Variants in CDH18 observed in about 807,000 individuals in gnomAD.
CDH18 encodes cadherin 18.
Under a neutral mutation model 67.9 loss-of-function variants are expected in CDH18, and 31 were observed. The observed-to-expected ratio is 0.46, with a 90% confidence interval of 0.34 to 0.62. The LOEUF is 0.62. Ranked by LOEUF, CDH18 falls within the 20% of genes least tolerant of loss-of-function variation. The pLI is 0.01. For missense variants in CDH18, 890 were observed against 975.5 expected, an observed-to-expected ratio of 0.91 and a Z score of 1.17; for synonymous variants, 362 against 347.2, an observed-to-expected ratio of 1.04 and a Z score of -0.48.
intron 1 of CDH18, among the ~76,000 whole-genome samples, chr5:20,519,892 T>C (rs1411860330): frequency 6.6e-6 from 1 of 150,814 alleles, no homozygotes; most frequent in Admixed American, 6.6e-5. Context: ...TATTTTTATT[T>C]GGACAGGGTT....
chr5:19,846,567 G>T (rs1782978387), intron 2 of CDH18, among the ~76,000 whole-genome samples: 1 of 152,030 alleles, frequency 6.6e-6, no homozygotes, highest in South Asian at 2.1e-4. Flanking sequence ...AGCCCATTGT[G>T]GAGCTAAAAT....
In CDH18 at chr5:20,444,150, T is replaced by C. The variant is rs981772120; in HGVS notation, c.-580+131312A>G. The stretch of plus-strand genomic sequence containing the variant: ...AGAATTTCTAGTTGTATTATAGTCA[T>C]GTGAGGAGTTCCTATCCAATATTAC... On this transcript the variant is annotated intron_variant, in intron 1 of 14. Transcript: ENST00000507958. Among the ~76,000 whole-genome samples, 15 of 149,902 alleles carry C rather than the reference T, an allele frequency of 1.0e-4. 2 individuals are homozygous for C. The highest frequency in any genetic ancestry group is 3.8e-4 in the African/African-American group (15 of 39,224).
intron 2 of CDH18, among the ~76,000 whole-genome samples, chr5:20,208,905 T>C (rs908766615): frequency 6.6e-6 from 1 of 151,580 alleles, no homozygotes; most frequent in Non-Finnish European, 1.5e-5. Context: ...AAACACAAAA[T>C]CCCCACAAAG....
At chr5:20,172,914 C>T (rs1266412587) in intron 2 of CDH18, among the ~76,000 whole-genome samples, 9 of 151,194 alleles carry the variant, frequency 6.0e-5, no homozygotes, top group South Asian at 2.1e-4. Flanking sequence ...CGTTTGAACC[C>T]GAGAGGCGGA....
At chr5:19,710,141 C>G (rs1580998450) in intron 5 of CDH18, among the ~76,000 whole-genome samples, 1 of 151,924 alleles carries the variant, frequency 6.6e-6, no homozygotes, top group African/African-American at 2.4e-5. Context: ...TCTCAAAAAA[C>G]AAAAATAAAA....
At chr5:19,701,107 C>T (rs953059606) in intron 5 of CDH18, among the ~76,000 whole-genome samples, 1 of 151,756 alleles carries the variant, frequency 6.6e-6, no homozygotes, top group Non-Finnish European at 1.5e-5. Context: ...AAAAATATGG[C>T]TAAAATATCA....
chr5:19,767,540 G>A (rs915818842), intron 3 of CDH18, among the ~76,000 whole-genome samples: 1 of 151,984 alleles, frequency 6.6e-6, no homozygotes, highest in Non-Finnish European at 1.5e-5. Context: ...TAAATAAAGT[G>A]ATGCATAACT....
intron 5 of CDH18, among the ~76,000 whole-genome samples, chr5:19,708,644 G>A (rs554514301): frequency 8.3e-4 from 127 of 152,286 alleles, no homozygotes; most frequent in Non-Finnish European, 1.5e-3. Flanking sequence ...CGCTTAAGGC[G>A]TTCCTGAACC....
chr5:20,480,806 A>T (rs1206159122), intron 1 of CDH18, among the ~76,000 whole-genome samples: 1 of 152,134 alleles, frequency 6.6e-6, no homozygotes, highest in African/African-American at 2.4e-5. Context: ...ACAATATGTT[A>T]TTTGCAAACC....
intron 2 of CDH18, among the ~76,000 whole-genome samples, chr5:20,109,161 G>T (rs1418998267): frequency 6.6e-6 from 1 of 152,122 alleles, no homozygotes; most frequent in African/African-American, 2.4e-5. Context: ...GACAGACAAG[G>T]AAAAATCTAA....
At chr5:20,125,976 A>G (rs566558062) in intron 2 of CDH18, among the ~76,000 whole-genome samples, 1 of 152,320 alleles carries the variant, frequency 6.6e-6, no homozygotes, top group South Asian at 2.1e-4. Flanking sequence ...TAAAACGTAT[A>G]TGAAACCAGA....
At chr5:20,068,123 A>C (rs1743145242) in intron 2 of CDH18, among the ~76,000 whole-genome samples, 1 of 152,110 alleles carries the variant, frequency 6.6e-6, no homozygotes, top group Non-Finnish European at 1.5e-5. Context: ...ACATTTATTG[A>C]ATAAAATAAG....
In CDH18 at chr5:20,422,008, GTTAA is replaced by G. The variant is rs1747901813; in HGVS notation, c.-580+153450_-580+153453del. On this transcript the variant is annotated intron_variant, in intron 1 of 14. Coordinates refer to the CDH18 transcript ENST00000507958. ...TTATCTGGCTCTTTTTCGTGGACAA[GTTAA>G]TTAGGGAGGCATTTTTATAGTAATG... Among the ~76,000 whole-genome samples, 3 of 150,870 alleles carry G rather than the reference GTTAA, an allele frequency of 2.0e-5. No homozygotes were observed. In the South Asian group the frequency reaches 6.2e-4, roughly 31 times the overall value.
intron 11 of CDH18, among the ~76,000 whole-genome samples, chr5:19,492,775 T>C (rs967718479): frequency 2.0e-5 from 3 of 152,178 alleles, no homozygotes; most frequent in Non-Finnish European, 2.9e-5. Context: ...GGTTATTCTC[T>C]GAATCAATGT....
intron 7 of CDH18, among the ~76,000 whole-genome samples, chr5:19,583,253 T>C (rs188786270): frequency 2.6e-5 from 4 of 152,228 alleles, no homozygotes; most frequent in African/African-American, 7.2e-5. Flanking sequence ...GCTACAACTT[T>C]AAGAGGAAAA....
chr5:19,811,719 C>A (rs146410473), intron 3 of CDH18, among the ~76,000 whole-genome samples: 135 of 152,168 alleles, frequency 8.9e-4, no homozygotes, highest in East Asian at 2.5e-3. Flanking sequence ...GAAAGAAAGA[C>A]AATTTAAATG....
At chr5:20,422,772 G>A (rs1580966311) in intron 1 of CDH18, among the ~76,000 whole-genome samples, 2 of 151,114 alleles carry the variant, frequency 1.3e-5, no homozygotes, top group South Asian at 4.2e-4. Flanking sequence ...ATGGACAAAA[G>A]GTAACTTTAA....
intron 1 of CDH18, among the ~76,000 whole-genome samples, chr5:20,275,007 T>C (rs989414295): frequency 6.6e-6 from 1 of 152,096 alleles, no homozygotes; most frequent in African/African-American, 2.4e-5. Flanking sequence ...CCCTTAAATG[T>C]TACCATATCT....
chr5:19,679,785 T>A, intron 5 of CDH18, among the ~76,000 whole-genome samples: 1 of 151,754 alleles, frequency 6.6e-6, no homozygotes, highest in Non-Finnish European at 1.5e-5. Context: ...CTGAAAGAAA[T>A]CAGAGATGAC....
Sources: gnomAD v4.1 joint callset for allele counts (sites outside exome capture counted in the v4.1 genomes callset) on GRCh38, gnomAD v4.1.1 for gene constraint, MANE v1.5 for transcripts, NCBI Gene and HGNC (gene_info 2026-07-23, HGNC 2026-07-21) for gene names.